THSD4: variants seen among roughly 807,000 people sequenced by gnomAD.
The protein encoded by THSD4 is thrombospondin type-1 domain-containing protein 4.
THSD4 carries 69 observed loss-of-function variants against 119.0 expected under a neutral mutation model. The observed-to-expected ratio is 0.58, with a 90% CI of 0.48 to 0.71. The LOEUF is 0.71. Among genes scored for constraint, THSD4 ranks in the 30% least tolerant of loss-of-function variants. THSD4 has a pLI of 0.00. For synonymous variants in THSD4, 524 were observed against 540.4 expected (o/e 0.97, Z 0.42); for missense variants, 1,393 against 1,391.1 (o/e 1.00, Z -0.02).
intron 7 of THSD4, among the ~76,000 whole-genome samples, chr15:71,591,172 A>C (rs771402119): frequency 3.9e-5 from 6 of 152,182 alleles, no homozygotes; most frequent in Non-Finnish European, 5.9e-5. Context: ...CTATTGTCAC[A>C]AAATAGGCAA....
At chr15:71,634,583 G>T (rs1166900369) in intron 7 of THSD4, among the ~76,000 whole-genome samples, 1 of 152,200 alleles carries the variant, frequency 6.6e-6, no homozygotes, top group Non-Finnish European at 1.5e-5. Context: ...CTTCCCCAGG[G>T]CATCAGTCAC....
chr15:71,689,046 C>T (rs1323452895), intron 8 of THSD4, among the ~76,000 whole-genome samples: 2 of 152,234 alleles, frequency 1.3e-5, no homozygotes, highest in Non-Finnish European at 1.5e-5. Context: ...GGGATCCCCA[C>T]ACTCTGCAAC....
chr15:71,776,159 G>A (rs1260592361), intron 17 of THSD4, among the ~76,000 whole-genome samples: 2 of 152,156 alleles, frequency 1.3e-5, no homozygotes, highest in Non-Finnish European at 2.9e-5. Flanking sequence ...TTATTTCAGA[G>A]TACAGAAGGG....
At chr15:71,587,787 T>TAAAAAAAAAAAAAAA (rs1207231444) in intron 7 of THSD4, among the ~76,000 whole-genome samples, 109 of 105,272 alleles carry the variant, frequency 1.0e-3, no homozygotes, top group Non-Finnish European at 1.7e-3. Flanking sequence ...AAAAAAAAAT[T>TAAAAAAAAAAAAAAA]AAAAAAAAAA....
intron 7 of THSD4, among the ~76,000 whole-genome samples, chr15:71,635,292 A>G (rs2140952828): frequency 6.6e-6 from 1 of 152,300 alleles, no homozygotes; most frequent in African/African-American, 2.4e-5. Flanking sequence ...CTTCTTAGAC[A>G]AAAAGGGACA....
chr15:71,764,946 C>A, intron 15 of THSD4, 74 bp from the exon 16 acceptor site: 1 of 1,514,208 alleles, frequency 6.6e-7, no homozygotes, highest in Non-Finnish European at 8.9e-7. Context: ...CCGTCATAAG[C>A]ATCCCTTGAT....
At chr15:71,559,199 A>G (rs981729398) in intron 7 of THSD4, among the ~76,000 whole-genome samples, 1 of 152,066 alleles carries the variant, frequency 6.6e-6, no homozygotes, top group African/African-American at 2.4e-5. Context: ...TGGCCTGTGG[A>G]GGGGTGGGGC....
chr15:71,540,387 C>T (rs2048742727), intron 7 of THSD4, among the ~76,000 whole-genome samples: 1 of 148,200 alleles, frequency 6.7e-6, no homozygotes, highest in Admixed American at 6.9e-5. Flanking sequence ...CCACCTGCCT[C>T]AGGCTCCCAA....
chr15:71,361,908 TA>T (rs2045896386), intron 6 of THSD4, among the ~76,000 whole-genome samples: 1 of 152,136 alleles, frequency 6.6e-6, no homozygotes, highest in Non-Finnish European at 1.5e-5. Context: ...GGCAGACAAA[TA>T]AATATACATA....
chr15:71,709,609 A>G (rs2141088684), intron 8 of THSD4, among the ~76,000 whole-genome samples: 1 of 152,344 alleles, frequency 6.6e-6, no homozygotes, highest in Admixed American at 6.5e-5. Context: ...CGCTGGGAAG[A>G]AAGTGAAGCT....
chr15:71,341,450 G>A, intron 6 of THSD4: 1 of 1,613,156 alleles, frequency 6.2e-7, no homozygotes, highest in Non-Finnish European at 8.5e-7. Flanking sequence ...CAAGAATTCA[G>A]CACTCTTTTT....
At chr15:71,736,732 C>G (rs888313887) in intron 10 of THSD4, among the ~76,000 whole-genome samples, 1 of 152,260 alleles carries the variant, frequency 6.6e-6, no homozygotes, top group African/African-American at 2.4e-5. Flanking sequence ...TGGGCTGGCC[C>G]CTCAGGGACA....
intron 6 of THSD4, among the ~76,000 whole-genome samples, chr15:71,335,544 GA>G (rs1340050651): frequency 6.6e-6 from 1 of 152,130 alleles, no homozygotes; most frequent in Non-Finnish European, 1.5e-5. Context: ...CAGACCCAGA[GA>G]AAAAGGATAT....
chr15:71,455,642 C>T (rs193235553), intron 7 of THSD4, among the ~76,000 whole-genome samples: 1 of 152,254 alleles, frequency 6.6e-6, no homozygotes, highest in East Asian at 1.9e-4. Context: ...TAGCATGACA[C>T]CAGGCCTAGT....
intron 8 of THSD4, among the ~76,000 whole-genome samples, chr15:71,675,148 A>G (rs2051614960): frequency 6.6e-6 from 1 of 152,100 alleles, no homozygotes; most frequent in Non-Finnish European, 1.5e-5. Flanking sequence ...CTTATCTCTG[A>G]ACAGCTGTGA....
chr15:71,208,698 G>C (rs1187876995), intron 3 of THSD4, among the ~76,000 whole-genome samples: 1 of 151,848 alleles, frequency 6.6e-6, no homozygotes, highest in Non-Finnish European at 1.5e-5. Flanking sequence ...TTTTAGTAGA[G>C]ACGGGGTTTC....
chr15:71,363,059 T>C (rs1471052020), intron 6 of THSD4, among the ~76,000 whole-genome samples: 6 of 151,740 alleles, frequency 4.0e-5, no homozygotes, highest in Non-Finnish European at 8.8e-5. Flanking sequence ...TTCAAAGCCA[T>C]CCTGGGCTGC....
intron 6 of THSD4, among the ~76,000 whole-genome samples, chr15:71,305,577 G>C (rs990118247): frequency 6.6e-6 from 1 of 152,144 alleles, no homozygotes; most frequent in African/African-American, 2.4e-5. Context: ...CTCTGAGTCC[G>C]TTTGCTTTAT....
At position 71,459,328 on chromosome 15, in the gene THSD4, CTCTCTCTCTG is replaced by C. The variant is rs1353122445; in HGVS notation, c.1152+47513_1152+47522del. ...CATGTGCCACCATGCCCAACTATCT[CTCTCTCTCTG>C]TCTCTCTGTCTCTCTCTCTCTCTCT... On this transcript the variant is annotated intron_variant, in intron 7 of 17. Coordinates refer to ENST00000261862, the MANE Select transcript of THSD4 (RefSeq NM_024817.3). Among the ~76,000 whole-genome samples, 14 of 145,368 alleles carry C rather than the reference CTCTCTCTCTG, an allele frequency of 9.6e-5. No homozygotes were observed. In the South Asian group the frequency reaches 2.9e-3, roughly 30 times the overall value.
Sources: allele counts gnomAD v4.1 joint callset (sites outside exome capture counted in the v4.1 genomes callset), GRCh38; gene constraint gnomAD v4.1.1; transcripts MANE v1.5; gene names NCBI Gene and HGNC (gene_info 2026-07-23, HGNC 2026-07-21).